Variants in ISOC2 observed in about 807,000 individuals in gnomAD.
ISOC2 encodes isochorismatase domain containing 2.
Under a neutral mutation model 19.3 loss-of-function variants are expected in ISOC2, and 15 were observed. That is an observed-to-expected ratio of 0.78 (90% CI 0.52 to 1.20). The LOEUF (loss-of-function observed/expected upper bound fraction) is 1.20, where lower values mean the gene tolerates loss of function less well. ISOC2 is among the 50% of genes most tolerant of loss of function. The pLI is 0.00. For synonymous variants in ISOC2, 106 were observed against 115.8 expected (o/e 0.92, Z 0.54); for missense variants, 285 against 272.4 (o/e 1.05, Z -0.33).
intron 5 of ISOC2, chr19:55,454,731 C>T (rs1318089789): frequency 7.4e-6 from 4 of 543,000 alleles, no homozygotes; most frequent in Non-Finnish European, 1.0e-5. Context: ...CCCCCAGACC[C>T]TCCAATACAA....
rs1334370731 is a variant in ISOC2, at chr19:55,453,118, A to G, written c.*190T>C. ...ATCTTGGCTCAGCCAATTCCCACCC[A>G]GTTTCCAGGAGTCTCATTTGCATTT... On this transcript the variant is annotated 3_prime_UTR_variant, in exon 6 of 6. Coordinates refer to ENST00000425675, the MANE Select transcript of ISOC2 (RefSeq NM_001136201.2). 2.0e-6 allele frequency: 1 copy of G among 507,822 alleles called. No individual in the cohort carries two copies. Among genetic ancestry groups the G allele is most frequent in the East Asian group, 3.5e-5 (1 of 28,544 alleles). 31.5% of individuals were successfully genotyped at this position (507,822 alleles called of 1,614,324 possible). A position where few individuals can be genotyped will look rare whatever the true frequency, so the allele number is the denominator to read the frequency against.
chr19:55,453,420 C>G, intron 5 of ISOC2, 32 bp from the exon 6 acceptor site: 1 of 1,492,398 alleles, frequency 6.7e-7, no homozygotes, highest in Non-Finnish European at 9.1e-7. Context: ...GGTCAGGAAG[C>G]GTCTAGGGTC....
At chr19:55,453,450 A>T (rs1985937741) in intron 5 of ISOC2, 62 bp from the exon 6 acceptor site, 1 of 1,168,224 alleles carries the variant, frequency 8.6e-7, no homozygotes, top group South Asian at 1.7e-5. Flanking sequence ...ATGGATGACA[A>T]ATCTGAGGGA....
chr19:55,458,059 T>A (rs1384533176), intron 1 of ISOC2, among the ~76,000 whole-genome samples: 27 of 142,146 alleles, frequency 1.9e-4, no homozygotes, highest in Non-Finnish European at 2.4e-4. Context: ...TTACCACAAT[T>A]AAAAAAAAAA....
rs1985998670 is a variant in ISOC2 at position 55,455,049 on chromosome 19, G to A, written c.477C>T (p.Ser159=). The A allele has an allele frequency of 6.2e-7, 1 of 1,613,632 alleles. No homozygotes were observed. Among genetic ancestry groups the A allele is most frequent in the Non-Finnish European group, 8.5e-7 (1 of 1,180,026 alleles). The part of the protein sequence containing the change: ...ARMRQSGAFL[S]TSEGLILQLV... ...GCTGCAGAATGAGCCCTTCGCTGGTGGAGAGGAAGGCACCACTCTGTCTCA... is the reference window on the plus strand; with the variant it reads ...GCTGCAGAATGAGCCCTTCGCTGGTAGAGAGGAAGGCACCACTCTGTCTCA... The change falls in exon 5 of 6, where the codon TCC becomes TCT. Residue 159 remains serine, a synonymous_variant. Transcript: ENST00000425675.
intron 2 of ISOC2, 81 bp downstream of exon 2, chr19:55,456,268 G>A (rs1030336063): frequency 4.8e-6 from 3 of 627,928 alleles, no homozygotes; most frequent in East Asian, 5.5e-5. Context: ...TGAGGGTGGA[G>A]GGCTGAGCCT....
intron 1 of ISOC2, among the ~76,000 whole-genome samples, chr19:55,460,425 A>G (rs1239568082): frequency 6.6e-6 from 1 of 152,220 alleles, no homozygotes; most frequent in African/African-American, 2.4e-5. Flanking sequence ...GCACCGGGGA[A>G]GTCTGTAGGA....
rs149327692 is a variant in ISOC2, at chr19:55,458,776, T to C, written c.-3-2287A>G. 4.1e-3 allele frequency among the ~76,000 whole-genome samples: 627 copies of C among 152,070 alleles called. 5 individuals carry two copies. Among genetic ancestry groups the C allele is most frequent in the African/African-American group, 0.014 (576 of 41,462 alleles). ...CTCCTGACCTCGTGATCCACCCGCC[T>C]CAGTCTCCCAAAGTGCTGGTGATTA... On this transcript the variant is annotated intron_variant, in intron 1 of 5. Transcript: ENST00000425675.
chr19:55,457,650 G>A (rs888515299), intron 1 of ISOC2, among the ~76,000 whole-genome samples: 1 of 151,978 alleles, frequency 6.6e-6, no homozygotes, highest in East Asian at 1.9e-4. Flanking sequence ...CCAACATGGT[G>A]AAACCCCATA....
At position 55,453,510 on chromosome 19, in the gene ISOC2, A is replaced by T. The variant is rs1599880259; in HGVS notation, c.538-122T>A. 4 of 616,634 alleles carry T rather than the reference A, an allele frequency of 6.5e-6. No homozygotes were observed. In the East Asian group the frequency reaches 1.3e-4, roughly 20 times the overall value. The allele number at this position is 616,634 out of a possible 1,614,324, so 38.2% of individuals were successfully genotyped here. ...ACCTTCTGGCTAGCAGCTGCCCAAG[A>T]CAACACTCCCTCTTCTCAAGACTTT... On this transcript the variant is annotated intron_variant, in intron 5 of 5. Transcript: ENST00000425675.
chr19:55,458,724 C>T (rs547526506), intron 1 of ISOC2, among the ~76,000 whole-genome samples: 17 of 151,708 alleles, frequency 1.1e-4, no homozygotes, highest in Admixed American at 1.3e-4. Flanking sequence ...GATGGGGTTT[C>T]ACCATGTTGG....
intron 3 of ISOC2, 31 bp from the exon 4 acceptor site, chr19:55,455,361 C>T (rs376381485): frequency 1.7e-5 from 27 of 1,613,414 alleles, no homozygotes; most frequent in Middle Eastern, 1.6e-4. Flanking sequence ...GGGCCAACCC[C>T]GGATAAGAAC....
In ISOC2 at chr19:55,453,194, G is replaced by T; in HGVS notation, c.*114C>A. ...GCAGCACCCTGCCCCCCCCACAAGG[G>T]GGCGGCACTCCTGGTGGATCGCACC... On this transcript the variant is annotated 3_prime_UTR_variant, in exon 6 of 6. Coordinates refer to ENST00000425675, the MANE Select transcript of ISOC2 (RefSeq NM_001136201.2). 1 of 658,490 alleles carries T rather than the reference G, an allele frequency of 1.5e-6. No homozygotes were observed. The highest frequency in any genetic ancestry group is 2.5e-6 in the Non-Finnish European group (1 of 403,056). 40.8% of individuals were successfully genotyped at this position (658,490 alleles called of 1,614,324 possible).
intron 1 of ISOC2, chr19:55,460,069 C>T (rs1254127041): frequency 3.3e-5 from 5 of 152,336 alleles, no homozygotes; most frequent in African/African-American, 9.6e-5. Context: ...ATCCTACAGA[C>T]ATTCATGTGA....
intron 1 of ISOC2, among the ~76,000 whole-genome samples, chr19:55,457,831 C>A (rs1175559140): frequency 9.8e-4 from 120 of 122,266 alleles, no homozygotes; most frequent in South Asian, 1.9e-3. Context: ...AACTCCATCT[C>A]AAAAAAAAAA....
chr19:55,455,141 G>A (rs1986004059), intron 4 of ISOC2, 35 bp from the exon 5 acceptor site: 1 of 1,587,872 alleles, frequency 6.3e-7, no homozygotes, highest in East Asian at 2.2e-5. Context: ...AGGTTGGTGT[G>A]GACGCCGCAG....
chr19:55,455,146 C>A, intron 4 of ISOC2, 40 bp from the exon 5 acceptor site: 2 of 1,590,322 alleles, frequency 1.3e-6, no homozygotes, highest in Non-Finnish European at 1.7e-6. Context: ...GGTGTGGACG[C>A]CGCAGTCTGG....
At chr19:55,454,937 A>G (rs1985993290) in intron 5 of ISOC2, 52 bp downstream of exon 5, 2 of 1,351,952 alleles carry the variant, frequency 1.5e-6, no homozygotes, top group Non-Finnish European at 2.1e-6. Flanking sequence ...GAGCCCAAAG[A>G]CAAGACCTTT....
chr19:55,455,039 C>T lies in ISOC2; in HGVS notation c.487G>A (p.Gly163Arg). The T allele has an allele frequency of 6.2e-7, 1 of 1,612,584 alleles. No individual in the cohort carries two copies. Among genetic ancestry groups the T allele is most frequent in the African/African-American group, 1.3e-5 (1 of 74,658 alleles). Residue 163 changes from glycine (G) to arginine (R), a missense_variant, in exon 5 of 6, where the codon GGG (glycine) becomes AGG (arginine). Physicochemically the swap from Gly to Arg is moderately radical, Grantham distance 125. Transcript: ENST00000425675. ...TCGCCCACAAGCTGCAGAATGAGCCCTTCGCTGGTGGAGAGGAAGGCACCA... is the reference window on the plus strand; with the variant it reads ...TCGCCCACAAGCTGCAGAATGAGCCTTTCGCTGGTGGAGAGGAAGGCACCA... ...QSGAFLSTSE[G>R]LILQLVGDAV...
Sources: gnomAD v4.1 joint callset for allele counts (sites outside exome capture counted in the v4.1 genomes callset) on GRCh38, gnomAD v4.1.1 for gene constraint, MANE v1.5 for transcripts, NCBI Gene and HGNC (gene_info 2026-07-23, HGNC 2026-07-21) for gene names.